TMEM132B: variants seen among roughly 807,000 people sequenced by gnomAD.
The protein encoded by TMEM132B is transmembrane protein 132B.
Under a neutral mutation model 90.8 loss-of-function variants are expected in TMEM132B, and 18 were observed. The observed-to-expected ratio is 0.20, with a 90% CI of 0.14 to 0.29. TMEM132B has a LOEUF of 0.29. Among genes scored for constraint, TMEM132B ranks in the 10% least tolerant of loss-of-function variants. The pLI is 1.00. For synonymous variants in TMEM132B, 504 were observed against 523.3 expected (o/e 0.96, Z 0.50); for missense variants, 1,096 against 1,326.8 (o/e 0.83, Z 2.70).
rs1883067106 is a variant in TMEM132B at position 125,514,840 on chromosome 12, G to C, written c.1107-4599G>C. 2.6e-5 allele frequency among the ~76,000 whole-genome samples: 4 copies of C among 152,258 alleles called. No homozygotes were observed. The South Asian group carries it at 8.3e-4, about 32-fold the overall frequency. On this transcript the variant is annotated intron_variant, in intron 3 of 8. Transcript: ENST00000682704. ...ATGTGGTCCTGGGGACACACTGCTG[G>C]GTTAGGTGCCCTGTCCCTCTCTGCT...
intron 3 of TMEM132B, among the ~76,000 whole-genome samples, chr12:125,482,426 C>T (rs1882071455): frequency 6.6e-6 from 1 of 152,110 alleles, no homozygotes; most frequent in Admixed American, 6.5e-5. Context: ...CAAAGAACCC[C>T]ATCAAAAAGT....
At chr12:125,340,556 G>A (rs532713407) in intron 1 of TMEM132B, among the ~76,000 whole-genome samples, 1 of 152,088 alleles carries the variant, frequency 6.6e-6, no homozygotes, top group African/African-American at 2.4e-5. Flanking sequence ...CAAAAGGTTG[G>A]TATTCTCTGT....
chr12:125,376,514 C>T (rs541094173), intron 2 of TMEM132B, among the ~76,000 whole-genome samples: 58 of 152,356 alleles, frequency 3.8e-4, no homozygotes, highest in Non-Finnish European at 4.9e-4. Context: ...TACACTCCTC[C>T]TGCCCAGCAG....
chr12:125,241,956 A>G (rs1214155730), intron 1 of TMEM132B, among the ~76,000 whole-genome samples: 1 of 152,188 alleles, frequency 6.6e-6, no homozygotes, highest in Non-Finnish European at 1.5e-5. Flanking sequence ...GAGCATGGCA[A>G]GTCCACTCAG....
intron 3 of TMEM132B, among the ~76,000 whole-genome samples, chr12:125,489,397 T>C (rs1882292051): frequency 6.6e-6 from 1 of 151,460 alleles, no homozygotes. Context: ...TTTATTTTAG[T>C]TTTTTTTAAA....
In TMEM132B at chr12:125,349,922, C is replaced by G; in HGVS notation, c.538C>G (p.Arg180Gly). 6.2e-7 allele frequency: 1 copy of G among 1,614,228 alleles called. No homozygotes were observed. The highest frequency in any genetic ancestry group is 8.5e-7 in the Non-Finnish European group (1 of 1,180,040). ...GGCCAGGGAAGTGGCAGCCAGCTGT[C>G]GGCTGCAAGGGGCCCCAGGGCTGTG... is the stretch of plus-strand genomic sequence containing the variant. ...PEAREVAASC[R>G]LQGAPGLCVA... The change falls in exon 2 of 9, where the codon CGG (arginine) becomes GGG (glycine). Residue 180 changes from arginine (R) to glycine (G), a missense_variant. Physicochemically the swap from Arg to Gly is moderately radical, Grantham distance 125 (BLOSUM62 -2). Transcript: ENST00000682704. The surrounding 1 kb of genome is among the most constrained non-coding windows in gnomAD (Gnocchi z 4.1).
chr12:125,554,745 A>T (rs1397439181), intron 4 of TMEM132B, among the ~76,000 whole-genome samples: 1 of 152,098 alleles, frequency 6.6e-6, no homozygotes, highest in African/African-American at 2.4e-5. Flanking sequence ...TCTTGGTTGC[A>T]TGTCTATAGT....
chr12:125,629,292 A>G (rs530715159), intron 5 of TMEM132B, among the ~76,000 whole-genome samples: 8 of 151,824 alleles, frequency 5.3e-5, no homozygotes, highest in Non-Finnish European at 1.2e-4. Context: ...ATATCTTTCC[A>G]TTTTTTGCTG....
At chr12:125,565,913 C>T (rs184816448) in intron 4 of TMEM132B, among the ~76,000 whole-genome samples, 1 of 152,128 alleles carries the variant, frequency 6.6e-6, no homozygotes, top group Non-Finnish European at 1.5e-5. Context: ...GAGGGTGGGG[C>T]CTTTGCCAGG....
At position 125,519,613 on chromosome 12, in the gene TMEM132B, C is replaced by T; in HGVS notation, c.1281C>T (p.Val427=). The T allele has an allele frequency of 6.2e-7, 1 of 1,613,998 alleles. No homozygotes were observed. The highest frequency in any genetic ancestry group is 1.1e-5 in the South Asian group (1 of 91,058). ...GCCAGACAACCTTCGTGGGCATCGT[C>T]CCTCTTGCCATGGTGAGGAATCTGG... ...FVSQTTFVGI[V]PLAMDTEVLN... The change falls in exon 4 of 9, where the codon GTC becomes GTT. Residue 427 remains valine (V), a synonymous_variant. Coordinates refer to ENST00000682704, the MANE Select transcript of TMEM132B (RefSeq NM_001366854.1).
chr12:125,342,395 C>T (rs1176102004), intron 1 of TMEM132B, among the ~76,000 whole-genome samples: 3 of 152,198 alleles, frequency 2.0e-5, no homozygotes, highest in Non-Finnish European at 4.4e-5. Flanking sequence ...TCAGTTTCCT[C>T]CTCTGTTAAG....
At chr12:125,528,645 C>T (rs927861417) in intron 4 of TMEM132B, among the ~76,000 whole-genome samples, 12 of 152,178 alleles carry the variant, frequency 7.9e-5, no homozygotes, top group African/African-American at 2.9e-4. Flanking sequence ...AACAGTTGAC[C>T]TTTGAACAAT....
intron 2 of TMEM132B, among the ~76,000 whole-genome samples, chr12:125,357,395 A>G (rs991778413): frequency 4.6e-5 from 7 of 152,138 alleles, no homozygotes; most frequent in African/African-American, 1.7e-4. Context: ...CCACCTTCAT[A>G]AGTTAAATCA....
chr12:125,402,388 G>C (rs1484834570), intron 2 of TMEM132B, among the ~76,000 whole-genome samples: 1 of 152,132 alleles, frequency 6.6e-6, no homozygotes, highest in Non-Finnish European at 1.5e-5. Context: ...CAGGGGCCAG[G>C]CTGGTCCTGA....
At chr12:125,596,318 C>T (rs1593012529) in intron 5 of TMEM132B, among the ~76,000 whole-genome samples, 1 of 152,208 alleles carries the variant, frequency 6.6e-6, no homozygotes, top group African/African-American at 2.4e-5. Flanking sequence ...GTGGATTACA[C>T]AGCCTCCTAT....
At position 125,349,821 on chromosome 12, in the gene TMEM132B, A is replaced by C; in HGVS notation, c.437A>C (p.Tyr146Ser). ...AGACCCAAAGTGCAGACCTTGTTTT[A>C]TGTCACTGGCATGGGCTGGGATGAC... is the stretch of plus-strand genomic sequence containing the variant. ...SNRPKVQTLF[Y>S]VTGMGWDDSD... The change falls in exon 2 of 9, where the codon TAT (tyrosine) becomes TCT (serine). Residue 146 changes from tyrosine to serine, a missense_variant. Transcript: ENST00000682704. This position sits in a 1 kb window ranked among gnomAD's most constrained non-coding sequence, Gnocchi z 4.1. 1 of 1,614,190 alleles carries C rather than the reference A, an allele frequency of 6.2e-7. No homozygotes were observed. Among genetic ancestry groups the C allele is most frequent in the Non-Finnish European group, 8.5e-7 (1 of 1,180,032 alleles).
intron 4 of TMEM132B, among the ~76,000 whole-genome samples, chr12:125,559,663 A>G (rs1166716634): frequency 6.6e-6 from 1 of 152,080 alleles, no homozygotes; most frequent in African/African-American, 2.4e-5. Flanking sequence ...TGTGAGCGGC[A>G]TGGTGGCTCT....
intron 2 of TMEM132B, among the ~76,000 whole-genome samples, chr12:125,380,856 C>T (rs766273795): frequency 2.6e-5 from 4 of 152,230 alleles, no homozygotes; most frequent in Non-Finnish European, 4.4e-5. Context: ...GTTCTGAAAA[C>T]ATTACTTCCT....
chr12:125,409,598 A>AGT (rs1566026135), intron 2 of TMEM132B, among the ~76,000 whole-genome samples: 2 of 92,828 alleles, frequency 2.2e-5, no homozygotes, highest in African/African-American at 5.3e-5. Flanking sequence ...AGTGGAGTGG[A>AGT]GGAGTGGAGT....
Sources: allele counts gnomAD v4.1 joint callset (sites outside exome capture counted in the v4.1 genomes callset), GRCh38; gene constraint gnomAD v4.1.1; non-coding constraint Gnocchi (gnomAD v3.1); transcripts MANE v1.5; gene names NCBI Gene and HGNC (gene_info 2026-07-23, HGNC 2026-07-21).